Variants in HRNR observed in about 807,000 individuals in gnomAD.
HRNR encodes filaggrin family member 3.
HRNR carries 7 observed loss-of-function variants against 4.8 expected under a neutral mutation model. The ratio of observed to expected loss-of-function variants is 1.47; its 90% CI spans 0.83 to 2.75. The LOEUF (loss-of-function observed/expected upper bound fraction) is 2.75, where lower values mean the gene tolerates loss of function less well. Among genes scored for constraint, HRNR ranks in the 30% most tolerant of loss-of-function variants. The pLI, the probability that HRNR is intolerant of heterozygous loss-of-function variation, is 0.00. For synonymous variants in HRNR, 1,023 were observed against 1,242.7 expected, an observed-to-expected ratio of 0.82 and a Z score of 3.72; for missense variants, 2,879 against 3,010.4, an observed-to-expected ratio of 0.96 and a Z score of 1.02.
chr1:152,219,030 A>C lies in HRNR; in HGVS notation c.2599T>G (p.Tyr867Asp). The change falls in exon 3 of 3, where the codon TAT becomes GAT. Residue 867 changes from tyrosine (Y) to aspartate (D), a missense_variant. Around this residue, in one of 8 missense-constraint regions of HRNR, gnomAD observed 2,646 missense variants for 1,377.7 expected, o/e 1.92. Transcript: ENST00000368801. Reference sequence around the variant, plus strand: ...TGGGAGGCAGACTCATGCTGACCATAGCTGGAAGATTGACCTGAGCTAGAG... The same window carrying C: ...TGGGAGGCAGACTCATGCTGACCATCGCTGGAAGATTGACCTGAGCTAGAG... ...HDSSSGQSSS[Y>D]GQHESASHHA... The C allele has an allele frequency of 6.2e-7, 1 of 1,613,794 alleles. No individual in the cohort carries two copies. Among genetic ancestry groups the C allele is most frequent in the Non-Finnish European group, 8.5e-7 (1 of 1,179,926 alleles).
At position 152,220,521 on chromosome 1, in the gene HRNR, G is replaced by C; in HGVS notation, c.1108C>G (p.His370Asp). The change falls in exon 3 of 3, where the codon CAC (histidine) becomes GAC (aspartate). Residue 370 changes from histidine to aspartate, a missense_variant. Transcript: ENST00000368801. The part of the protein sequence containing the change: ...GYSKHGSGSG[H>D]SSSQGQHGST... ...CCATGTTGTCCCTGGCTAGAGGAGT[G>C]ACCTGAGCCAGAACCATGCTTACTA... 6.2e-7 allele frequency: 1 copy of C among 1,612,232 alleles called. No homozygotes were observed. The highest frequency in any genetic ancestry group is 8.5e-7 in the Non-Finnish European group (1 of 1,178,820).
At position 152,220,947 on chromosome 1, in the gene HRNR, A is replaced by G. The variant is rs769944159; in HGVS notation, c.682T>C (p.Ser228Pro). ...GACTTGTGTTGACTAAAGCCAGAAG[A>G]CTGGCCTGAGCCAGACCCATGTGTG... is the stretch of plus-strand genomic sequence containing the variant. The part of the protein sequence containing the change: ...NDTHGSGSGQ[S>P]SGFSQHKSSS... Residue 228 changes from serine to proline, a missense_variant, in exon 3 of 3, where the codon TCT becomes CCT. Coordinates refer to ENST00000368801, the MANE Select transcript of HRNR (RefSeq NM_001009931.3). 1.1e-5 allele frequency: 17 copies of G among 1,611,832 alleles called. No individual in the cohort carries two copies. In the Admixed American group the frequency reaches 1.5e-4, roughly 14 times the overall value.
rs1018309695 is a variant in HRNR at position 152,213,020 on chromosome 1, A to T, written c.*56T>A. ...CTTGTCTTTCATGATGAATTCATAGATGACTTTCCTATTTCTTAAATTGCT... is the reference window on the plus strand; with the variant it reads ...CTTGTCTTTCATGATGAATTCATAGTTGACTTTCCTATTTCTTAAATTGCT... On this transcript the variant is annotated 3_prime_UTR_variant, in exon 3 of 3. Transcript: ENST00000368801. 2 of 1,560,326 alleles carry T rather than the reference A, an allele frequency of 1.3e-6. No individual in the cohort carries two copies. The highest frequency in any genetic ancestry group is 2.5e-5 in the South Asian group (2 of 80,514).
Position 152,220,075 on chromosome 1 carries a change from A to T in HRNR, c.1554T>A (p.Gly518=), listed in dbSNP as rs772169218. ...GSSAGSSSSY[G]QHGSGSRQSL... is the part of the protein sequence containing the mutation. ...ATTGACGGGAGCCAGACCCATGCTGACCATAGCTGGAAGATGAACCTGCAC... is the reference window on the plus strand; with the variant it reads ...ATTGACGGGAGCCAGACCCATGCTGTCCATAGCTGGAAGATGAACCTGCAC... Residue 518 remains glycine, a synonymous_variant, in exon 3 of 3, where the codon GGT becomes GGA. Transcript: ENST00000368801. The T allele has an allele frequency of 1.5e-5, 25 of 1,613,496 alleles. No individual in the cohort carries two copies. Among genetic ancestry groups the T allele is most frequent in the Non-Finnish European group, 2.1e-5 (25 of 1,179,718 alleles).
Position 152,219,123 on chromosome 1 carries a change from C to G in HRNR, c.2506G>C (p.Gly836Arg). 1.2e-6 allele frequency: 2 copies of G among 1,613,680 alleles called. No individual in the cohort carries two copies. The highest frequency in any genetic ancestry group is 2.2e-5 in the South Asian group (2 of 91,058). Residue 836 changes from glycine (G) to arginine (R), a missense_variant, in exon 3 of 3, where the codon GGT becomes CGT. Physicochemically the swap from Gly to Arg is moderately radical, Grantham distance 125. Around this residue, in one of 8 missense-constraint regions of HRNR, gnomAD observed 2,646 missense variants for 1,377.7 expected, o/e 1.92. Coordinates refer to ENST00000368801, the MANE Select transcript of HRNR (RefSeq NM_001009931.3). ...QGYSQHGSAS[G>R]HFSSQGRHGS... The stretch of plus-strand genomic sequence containing the variant: ...TGTCGTCCCTGGCTAGAGAAGTGAC[C>G]TGAGGCAGAACCATGCTGACTATAG...
In HRNR at chr1:152,213,154, G is replaced by C; in HGVS notation, c.8475C>G (p.Gly2825=). Residue 2825 remains glycine, a synonymous_variant, in exon 3 of 3, where the codon GGC becomes GGG. Transcript: ENST00000368801. ...TACTAGGAAAACTGAGAAAATATGAGCCAGAACTTCCCCCATCATGGTTAC... is the reference window on the plus strand; with the variant it reads ...TACTAGGAAAACTGAGAAAATATGACCCAGAACTTCCCCCATCATGGTTAC... ...GGSNHDGGSS[G]SYFLSFPSST... 6.2e-7 allele frequency: 1 copy of C among 1,613,994 alleles called. No individual in the cohort carries two copies. The highest frequency in any genetic ancestry group is 8.5e-7 in the Non-Finnish European group (1 of 1,180,032).
Position 152,219,311 on chromosome 1 carries a change from C to T in HRNR, c.2318G>A (p.Gly773Asp), listed in dbSNP as rs200932455. 1.2e-6 allele frequency: 2 copies of T among 1,613,190 alleles called. No individual in the cohort carries two copies. The highest frequency in any genetic ancestry group is 2.7e-5 in the African/African-American group (2 of 74,582). Residue 773 changes from glycine (G) to aspartate (D), a missense_variant, in exon 3 of 3, where the codon GGC becomes GAC. Physicochemically the swap from Gly to Asp is moderately conservative, Grantham distance 94 (BLOSUM62 -1). Coordinates refer to ENST00000368801, the MANE Select transcript of HRNR (RefSeq NM_001009931.3). ...ATGTCGGACACGGCTAGGAGAGTGG[C>T]CAGATCCAGACCCTTGTCGGCCGTG... ...SGHGRQGSGS[G>D]HSPSRVRHGS...
rs202240072 is a variant in HRNR at position 152,218,852 on chromosome 1, G to C, written c.2777C>G (p.Ser926Ter). 1 of 1,613,680 alleles carries C rather than the reference G, an allele frequency of 6.2e-7. No homozygotes were observed. Among genetic ancestry groups the C allele is most frequent in the South Asian group, 1.1e-5 (1 of 91,018 alleles). Residue 926 changes from serine to a stop codon, truncating the protein, a stop_gained, in exon 3 of 3, where the codon TCA becomes TGA. Transcript: ENST00000368801. LOFTEE classifies it low-confidence loss of function (END_TRUNC). ...GTGACCAAAGCCAGAAGACTGGCCTGAGCCAGACCCATGTCGGCCACTGCT... is the reference window on the plus strand; with the variant it reads ...GTGACCAAAGCCAGAAGACTGGCCTCAGCCAGACCCATGTCGGCCACTGCT... ...SSSSGRHGSG[S>*]GQSSGFGHKS... is the part of the protein sequence containing the mutation.
chr1:152,223,511 T>G (rs1476303644), intron 1 of HRNR, among the ~76,000 whole-genome samples: 1 of 152,182 alleles, frequency 6.6e-6, no homozygotes, highest in Non-Finnish European at 1.5e-5. Flanking sequence ...CCTGAATGAA[T>G]GTAGGAAAAA....
chr1:152,214,635 C>T lies in HRNR; in HGVS notation c.6994G>A (p.Gly2332Arg), dbSNP rs143147042. 3.2e-4 allele frequency: 515 copies of T among 1,611,030 alleles called. 1 individual carries two copies. Among genetic ancestry groups the T allele is most frequent in the Middle Eastern group, 1.5e-3 (9 of 6,052 alleles). Residue 2332 changes from glycine (G) to arginine (R), a missense_variant, in exon 3 of 3, where the codon GGG (glycine) becomes AGG (arginine). Physicochemically the swap from Gly to Arg is moderately radical, Grantham distance 125 (BLOSUM62 -2). Around this residue, in one of 8 missense-constraint regions of HRNR, gnomAD observed 3 missense variants for 660.0 expected, o/e 0.00. Coordinates refer to ENST00000368801, the MANE Select transcript of HRNR (RefSeq NM_001009931.3). ...SGWSSSSGRH[G>R]SGSGQSSGFG... is the part of the protein sequence containing the mutation. ...CCAGAAGACTGACCTGAGCCAGACCCATGTCGGCCACTGCTGGAAGACCAA... is the reference window on the plus strand; with the variant it reads ...CCAGAAGACTGACCTGAGCCAGACCTATGTCGGCCACTGCTGGAAGACCAA...
chr1:152,219,254 C>A lies in HRNR; in HGVS notation c.2375G>T (p.Gly792Val), dbSNP rs758335552. The change falls in exon 3 of 3, where the codon GGC becomes GTC. Residue 792 changes from glycine to valine, a missense_variant. By Grantham distance (109) the Gly-to-Val change is moderately radical. Coordinates refer to ENST00000368801, the MANE Select transcript of HRNR (RefSeq NM_001009931.3). Reference sequence around the variant, plus strand: ...ACAACTTGTGCCAGACCCGTGTTGGCCGTGGCTGGAGGAGTGCCCTGAACT... The same window carrying A: ...ACAACTTGTGCCAGACCCGTGTTGGACGTGGCTGGAGGAGTGCCCTGAACT... ...GSSSGHSSSH[G>V]QHGSGTSCSS... The A allele has an allele frequency of 1.9e-6, 3 of 1,613,126 alleles. No homozygotes were observed. The highest frequency in any genetic ancestry group is 4.5e-5 in the East Asian group (2 of 44,838).
rs949348411 is a variant in HRNR at position 152,212,177 on chromosome 1, T to C, written c.*899A>G. On this transcript the variant is annotated 3_prime_UTR_variant, in exon 3 of 3. Transcript: ENST00000368801. ...GTTACAGTCAAATTAAGGAACTATG[T>C]AGCAGTGACAGATACTCTTCCTTTT... is the stretch of plus-strand genomic sequence containing the variant. The C allele has an allele frequency of 3.9e-5, 6 of 152,210 alleles. No individual in the cohort carries two copies. Among genetic ancestry groups the C allele is most frequent in the Non-Finnish European group, 7.4e-5 (5 of 68,020 alleles). 9.4% of individuals were successfully genotyped at this position (152,210 alleles called of 1,614,324 possible). A position where few individuals can be genotyped will look rare whatever the true frequency, so the allele number is the denominator to read the frequency against.
Position 152,212,976 on chromosome 1 carries a change from C to A in HRNR, c.*100G>T. ...GAAATGCATTGATTCACTTTTAGAACGAATTTCATGATGGATTGCTTGTCT... is the reference window on the plus strand; with the variant it reads ...GAAATGCATTGATTCACTTTTAGAAAGAATTTCATGATGGATTGCTTGTCT... On this transcript the variant is annotated 3_prime_UTR_variant, in exon 3 of 3. Coordinates refer to ENST00000368801, the MANE Select transcript of HRNR (RefSeq NM_001009931.3). 6 of 1,483,852 alleles carry A rather than the reference C, an allele frequency of 4.0e-6. No individual in the cohort carries two copies. In the South Asian group the frequency reaches 6.9e-5, roughly 17 times the overall value. The allele number at this position is 1,483,852 out of a possible 1,614,324, so 91.9% of individuals were successfully genotyped here.
rs1648859952 is a variant in HRNR at position 152,219,594 on chromosome 1, C to T, written c.2035G>A (p.Gly679Arg). 1 of 1,612,572 alleles carries T rather than the reference C, an allele frequency of 6.2e-7. No homozygotes were observed. Among genetic ancestry groups the T allele is most frequent in the African/African-American group, 1.3e-5 (1 of 74,834 alleles). ...CTTGAAGACCAACCGGAGCCAGACC[C>T]ATGTTGGCCGTAGCTGGAAGAGTGC... ...FGHSSSYGQH[G>R]SGSGWSSSNG... The change falls in exon 3 of 3, where the codon GGG becomes AGG. Residue 679 changes from glycine to arginine, a missense_variant. By Grantham distance (125) the Gly-to-Arg change is moderately radical (BLOSUM62 -2). Around this residue, in one of 8 missense-constraint regions of HRNR, gnomAD observed 2,646 missense variants for 1,377.7 expected, o/e 1.92. Coordinates refer to ENST00000368801, the MANE Select transcript of HRNR (RefSeq NM_001009931.3).
rs757073493 is a variant in HRNR at position 152,220,225 on chromosome 1, G to A, written c.1404C>T (p.His468=). ...CAGAGGAATGCTCTGAGCTAGACTC[G>A]TGGTGACCAAAGCCAGAAGAGTAGC... ...GSGYSSGFGH[H]ESSSEHSSGY... Residue 468 remains histidine, a synonymous_variant, in exon 3 of 3, where the codon CAC becomes CAT. Transcript: ENST00000368801. 31 of 1,613,262 alleles carry A rather than the reference G, an allele frequency of 1.9e-5. No homozygotes were observed. Among genetic ancestry groups the A allele is most frequent in the Admixed American group, 5.0e-5 (3 of 59,978 alleles).
chr1:152,223,838 C>G (rs776741957), intron 1 of HRNR, among the ~76,000 whole-genome samples: 2 of 152,170 alleles, frequency 1.3e-5, no homozygotes, highest in African/African-American at 2.4e-5. Context: ...GGAAGTGACC[C>G]TCAGACCTTA....
chr1:152,220,256 C>G lies in HRNR; in HGVS notation c.1373G>C (p.Gly458Ala), dbSNP rs534438543. The G allele has an allele frequency of 5.6e-6, 9 of 1,613,904 alleles. No individual in the cohort carries two copies. Among genetic ancestry groups the G allele is most frequent in the Admixed American group, 1.7e-5 (1 of 59,998 alleles). The stretch of plus-strand genomic sequence containing the variant: ...ACCAAAGCCAGAAGAGTAGCCTGAA[C>G]CAGACACATATGGGCCACTGCTGGA... ...RSSSSGPYVS[G>A]SGYSSGFGHH... Residue 458 changes from glycine (G) to alanine (A), a missense_variant, in exon 3 of 3, where the codon GGT becomes GCT. Physicochemically the swap from Gly to Ala is moderately conservative, Grantham distance 60 (BLOSUM62 0). Transcript: ENST00000368801.
At position 152,218,992 on chromosome 1, in the gene HRNR, G is replaced by T. The variant is rs747704480; in HGVS notation, c.2637C>A (p.Gly879=). The change falls in exon 3 of 3, where the codon GGC becomes GGA. Residue 879 remains glycine, a synonymous_variant. Transcript: ENST00000368801. ...CAGATCCAGAGCCATGTCGGCCGCG[G>T]CCCGAAGCGTGATGGGAGGCAGACT... ...QHESASHHAS[G]RGRHGSGSGQ... is the part of the protein sequence containing the mutation. 3 of 1,614,034 alleles carry T rather than the reference G, an allele frequency of 1.9e-6. No homozygotes were observed. The highest frequency in any genetic ancestry group is 1.1e-5 in the South Asian group (1 of 91,056).
Position 152,221,226 on chromosome 1 carries a change from C to G in HRNR, c.403G>C (p.Gly135Arg), listed in dbSNP as rs746908059. The G allele has an allele frequency of 5.0e-6, 8 of 1,614,156 alleles. No individual in the cohort carries two copies. The South Asian group carries it at 6.6e-5, about 13-fold the overall frequency. The change falls in exon 3 of 3, where the codon GGA (glycine) becomes CGA (arginine). Residue 135 changes from glycine (G) to arginine (R), a missense_variant. This residue lies in a region of HRNR where 2,646 missense variants were observed against 1,377.7 expected (regional missense o/e 1.92). Coordinates refer to ENST00000368801, the MANE Select transcript of HRNR (RefSeq NM_001009931.3). Reference sequence around the variant, plus strand: ...TTTCTGGAATAGGAATCATTCTCTCCTGCACTCCAACTTGAATGACTAAAA... The same window carrying G: ...TTTCTGGAATAGGAATCATTCTCTCGTGCACTCCAACTTGAATGACTAAAA... ...SSFSHSSWSA[G>R]ENDSYSRNVR...
Sources: allele counts gnomAD v4.1 joint callset (sites outside exome capture counted in the v4.1 genomes callset), GRCh38; gene constraint gnomAD v4.1.1; regional missense constraint gnomAD v4.1.1; transcripts MANE v1.5; gene names NCBI Gene and HGNC (gene_info 2026-07-23, HGNC 2026-07-21).